Variants in NTM observed in about 807,000 individuals in gnomAD.
The protein encoded by NTM is IgLON family member 2.
Under a neutral mutation model 42.1 loss-of-function variants are expected in NTM, and 13 were observed. That is an observed-to-expected ratio of 0.31 (90% CI 0.20 to 0.49). The LOEUF (loss-of-function observed/expected upper bound fraction) is 0.49. NTM is among the 20% of genes least tolerant of loss of function. NTM has a pLI of 0.99. For missense variants in NTM, 373 were observed against 452.8 expected, an observed-to-expected ratio of 0.82 and a Z score of 1.60; for synonymous variants, 187 against 179.2, an observed-to-expected ratio of 1.04 and a Z score of -0.35.
At chr11:132,058,101 G>A (rs2079999181) in intron 2 of NTM, among the ~76,000 whole-genome samples, 1 of 152,082 alleles carries the variant, frequency 6.6e-6, no homozygotes, top group African/African-American at 2.4e-5. Flanking sequence ...TGTTCTGTCT[G>A]TTGAGCCTCT....
At chr11:132,050,899 T>G (rs2078761516) in intron 2 of NTM, among the ~76,000 whole-genome samples, 1 of 152,226 alleles carries the variant, frequency 6.6e-6, no homozygotes, top group South Asian at 2.1e-4. Flanking sequence ...CAGCCTTGTC[T>G]GGTTCTTCTT....
intron 1 of NTM, among the ~76,000 whole-genome samples, chr11:131,519,864 G>A (rs2049382772): frequency 1.3e-5 from 2 of 148,972 alleles, no homozygotes; most frequent in South Asian, 4.3e-4. Flanking sequence ...AGGGAGCTGT[G>A]GAGTTAGTTA....
chr11:132,138,334 C>T (rs937493757), intron 2 of NTM, among the ~76,000 whole-genome samples: 3 of 152,106 alleles, frequency 2.0e-5, no homozygotes, highest in African/African-American at 7.2e-5. Flanking sequence ...CAGAGAAAAG[C>T]TTGCCGGTAT....
At chr11:131,904,883 G>T (rs1565704269) in intron 1 of NTM, among the ~76,000 whole-genome samples, 1 of 152,178 alleles carries the variant, frequency 6.6e-6, no homozygotes, top group African/African-American at 2.4e-5. Flanking sequence ...GCTGTGGGTG[G>T]TCTAGAGGCT....
chr11:132,276,422 A>AT (rs1780243364), intron 4 of NTM, among the ~76,000 whole-genome samples: 1 of 152,144 alleles, frequency 6.6e-6, no homozygotes, highest in African/African-American at 2.4e-5. Context: ...TTTATAGAGG[A>AT]TTGCTTGCAA....
rs75718543 is a variant in NTM, at chr11:131,442,052, G to A, written c.82+71164G>A. ...AAAAATTCAGAAGACTGTTCAATTG[G>A]AATGATATCTCACGCTCTTCAGCAG... is the stretch of plus-strand genomic sequence containing the variant. On this transcript the variant is annotated intron_variant, in intron 1 of 8. Coordinates refer to ENST00000683400, the MANE Select transcript of NTM (RefSeq NM_001352005.2). 6.0e-3 allele frequency among the ~76,000 whole-genome samples: 921 copies of A among 152,290 alleles called. 4 individuals are homozygous for A. The highest frequency in any genetic ancestry group is 9.6e-3 in the Non-Finnish European group (652 of 68,018).
At chr11:131,547,965 T>C (rs1011819038) in intron 1 of NTM, among the ~76,000 whole-genome samples, 29 of 152,144 alleles carry the variant, frequency 1.9e-4, no homozygotes, top group African/African-American at 6.8e-4. Flanking sequence ...CAAGCTTGTT[T>C]TCAATCATAC....
chr11:131,893,724 A>G (rs1361231157), intron 1 of NTM, among the ~76,000 whole-genome samples: 3 of 152,332 alleles, frequency 2.0e-5, no homozygotes, highest in Admixed American at 1.3e-4. Flanking sequence ...GAGGGCATCA[A>G]GGAAGCCTGG....
At chr11:132,067,843 G>A (rs182004890) in intron 2 of NTM, among the ~76,000 whole-genome samples, 1 of 152,114 alleles carries the variant, frequency 6.6e-6, no homozygotes, top group Non-Finnish European at 1.5e-5. Flanking sequence ...GTAGTTTTAT[G>A]AGCTTATTTT....
At chr11:131,526,795 CAG>C (rs1477950301) in intron 1 of NTM, among the ~76,000 whole-genome samples, 2 of 152,190 alleles carry the variant, frequency 1.3e-5, no homozygotes, top group Non-Finnish European at 2.9e-5. Flanking sequence ...TGATTTGAAT[CAG>C]GGGCTGGAGC....
chr11:131,634,044 C>T (rs2064055139), intron 1 of NTM, among the ~76,000 whole-genome samples: 1 of 152,098 alleles, frequency 6.6e-6, no homozygotes, highest in African/African-American at 2.4e-5. Flanking sequence ...CTATGTTGAA[C>T]CAAAACCCCC....
At chr11:131,684,124 G>A (rs1203691401) in intron 1 of NTM, among the ~76,000 whole-genome samples, 1 of 152,146 alleles carries the variant, frequency 6.6e-6, no homozygotes, top group East Asian at 1.9e-4. Flanking sequence ...GGAATTGGGA[G>A]AACCCCCTCT....
intron 4 of NTM, among the ~76,000 whole-genome samples, chr11:132,294,890 G>C (rs1380796017): frequency 1.3e-5 from 2 of 152,148 alleles, no homozygotes; most frequent in Non-Finnish European, 2.9e-5. Flanking sequence ...AAAGCTCTCT[G>C]AGACCATTTT....
chr11:132,089,444 G>T (rs1032926833), intron 2 of NTM, among the ~76,000 whole-genome samples: 1 of 152,134 alleles, frequency 6.6e-6, no homozygotes, highest in African/African-American at 2.4e-5. Flanking sequence ...CCCATTGAGG[G>T]GAAAGCTTGC....
chr11:131,491,387 TC>T lies in NTM; in HGVS notation c.82+120501del, dbSNP rs748296965. On this transcript the variant is annotated intron_variant, in intron 1 of 8. Transcript: ENST00000683400. The stretch of plus-strand genomic sequence containing the variant: ...GAGATATTTAATAACAATATTATTT[TC>T]CTGGAGTTTCTGATGTTTGTGGGTA... Among the ~76,000 whole-genome samples, 53 of 148,776 alleles carry T rather than the reference TC, an allele frequency of 3.6e-4. 1 individual carries two copies. The highest frequency in any genetic ancestry group is 6.2e-4 in the Non-Finnish European group (42 of 68,044).
At chr11:131,740,934 G>A (rs1467435211) in intron 1 of NTM, among the ~76,000 whole-genome samples, 6 of 152,110 alleles carry the variant, frequency 3.9e-5, no homozygotes, top group African/African-American at 1.2e-4. Context: ...TTGGGAGGCC[G>A]AGGCGTACAG....
chr11:132,231,473 A>G (rs1335548278), intron 4 of NTM, among the ~76,000 whole-genome samples: 1 of 152,172 alleles, frequency 6.6e-6, no homozygotes, highest in Non-Finnish European at 1.5e-5. Context: ...TAAATTTACA[A>G]TTAGCAGCCT....
chr11:131,789,663 G>A (rs921239284), intron 1 of NTM, among the ~76,000 whole-genome samples: 1 of 120,634 alleles, frequency 8.3e-6, no homozygotes, highest in African/African-American at 3.0e-5. Flanking sequence ...AGAAGAAGAA[G>A]AAGAAAGCAT....
At chr11:131,623,402 A>T (rs546649176) in intron 1 of NTM, among the ~76,000 whole-genome samples, 1 of 152,320 alleles carries the variant, frequency 6.6e-6, no homozygotes, top group Admixed American at 6.5e-5. Flanking sequence ...GTTCCTTTTG[A>T]TTATTCCATA....
Sources: allele counts gnomAD v4.1 joint callset (sites outside exome capture counted in the v4.1 genomes callset), GRCh38; gene constraint gnomAD v4.1.1; transcripts MANE v1.5; gene names NCBI Gene and HGNC (gene_info 2026-07-23, HGNC 2026-07-21).